The following ATRX variants were observed in gnomAD, a reference collection of about 807,000 sequenced individuals.
ATRX encodes the protein ATRX chromatin remodeler, also known as chromatin remodeler ATRX.
Under a neutral mutation model 172.6 loss-of-function variants are expected in ATRX, and 12 were observed. The observed-to-expected ratio is 0.07, with a 90% CI of 0.04 to 0.11. The LOEUF is 0.11. ATRX is among the 10% of genes least tolerant of loss of function. ATRX has a pLI of 1.00. For synonymous variants in ATRX, 674 were observed against 594.7 expected, an observed-to-expected ratio of 1.13 and a Z score of -1.94; for missense variants, 1,368 against 1,767.4, an observed-to-expected ratio of 0.77 and a Z score of 4.05.
At chrX:77,576,320 T>C (rs1471902681) in intron 27 of ATRX, among the ~76,000 whole-genome samples, 2 of 110,588 alleles carry the variant, frequency 1.8e-5, no homozygotes, top group African/African-American at 6.6e-5. Context: ...TGCCAGAACA[T>C]AGAATCTAAT....
At chrX:77,606,075 A>G in intron 22 of ATRX, among the ~76,000 whole-genome samples, 1 of 110,729 alleles carries the variant, frequency 9.0e-6, no homozygotes, top group Non-Finnish European at 1.9e-5. Flanking sequence ...GAACAGACCA[A>G]TAACAAGTAA....
At chrX:77,606,835 G>A (rs1412383950) in intron 22 of ATRX, among the ~76,000 whole-genome samples, 1 of 108,938 alleles carries the variant, frequency 9.2e-6, no homozygotes, top group Non-Finnish European at 1.9e-5. Context: ...CACATATATG[G>A]AAATCAATCA....
chrX:77,599,604 C>CA (rs781891474), intron 24 of ATRX, 24 bp from the exon 25 acceptor site: 2 of 1,199,216 alleles, frequency 1.7e-6, no homozygotes, highest in African/African-American at 1.8e-5. Flanking sequence ...AACAAACAAA[C>CA]AAAAAAACAC....
At position 77,682,240 on chromosome X, in the gene ATRX, C is replaced by T. The variant is rs1557138364; in HGVS notation, c.3016G>A (p.Glu1006Lys). The T allele has an allele frequency of 8.3e-7, 1 of 1,207,093 alleles. No individual in the cohort carries two copies. Among genetic ancestry groups the T allele is most frequent in the Non-Finnish European group, 1.1e-6 (1 of 893,858 alleles). The change falls in exon 9 of 35, where the codon GAA becomes AAA. Residue 1006 changes from glutamate (E) to lysine (K), a missense_variant. Glu to Lys is a moderately conservative substitution (Grantham distance 56). Around this residue, in one of 17 missense-constraint regions of ATRX, gnomAD observed 843 missense variants for 643.1 expected, o/e 1.31. Coordinates refer to ENST00000373344, the MANE Select transcript of ATRX (RefSeq NM_000489.6). ...SDFKKKVIKM[E>K]QQYESSSDGT... ...TCAGATGAAGATTCATACTGTTGTT[C>T]CATTTTAATTACTTTTTTCTTAAAG...
intron 22 of ATRX, among the ~76,000 whole-genome samples, chrX:77,614,586 A>T (rs1241487755): frequency 5.4e-5 from 6 of 112,019 alleles, no homozygotes; most frequent in East Asian, 5.6e-4. Flanking sequence ...TAAAATTTTT[A>T]AAAATTGATA....
chrX:77,652,575 G>A lies in ATRX; in HGVS notation c.4318-222C>T, dbSNP rs1436513210. On this transcript the variant is annotated intron_variant, in intron 14 of 34. Transcript: ENST00000373344. ...CCAGCACTTTGGGAGGCCGAGGCGG[G>A]TGGATCACAAGGTCAGGAGATAGAG... 2.8e-5 allele frequency among the ~76,000 whole-genome samples: 3 copies of A among 107,577 alleles called. No individual in the cohort carries two copies. In the Admixed American group the frequency reaches 3.0e-4, roughly 11 times the overall value. The allele number at this position is 107,577 out of a possible 115,157, so 93.4% of individuals were successfully genotyped here.
chrX:77,590,333 G>A (rs1190651741), intron 26 of ATRX, among the ~76,000 whole-genome samples: 2 of 110,989 alleles, frequency 1.8e-5, no homozygotes, highest in African/African-American at 6.6e-5. Flanking sequence ...CTTGGTAGCC[G>A]GGCGCAGTGG....
chrX:77,545,541 A>G (rs1452473790), intron 30 of ATRX, among the ~76,000 whole-genome samples: 3 of 111,978 alleles, frequency 2.7e-5, no homozygotes, highest in Non-Finnish European at 5.6e-5. Flanking sequence ...TGAAAAAATA[A>G]CTCAGTATAA....
chrX:77,537,390 T>C (rs1231064019), intron 30 of ATRX, among the ~76,000 whole-genome samples: 3 of 112,017 alleles, frequency 2.7e-5, no homozygotes, highest in Admixed American at 1.9e-4. Context: ...CAGTAACATG[T>C]GACAGAATTT....
chrX:77,625,745 T>C (rs1010000550), intron 19 of ATRX, among the ~76,000 whole-genome samples: 4 of 109,678 alleles, frequency 3.6e-5, no homozygotes, highest in South Asian at 3.9e-4. Context: ...ACAGTAGATG[T>C]TGGTGTGAAT....
intron 26 of ATRX, among the ~76,000 whole-genome samples, chrX:77,593,228 T>TG (rs1359473636): frequency 3.0e-5 from 2 of 66,099 alleles, no homozygotes; most frequent in African/African-American, 1.2e-4. Context: ...TGTCTCATAA[T>TG]GAAAAAAAAA....
chrX:77,747,992 A>T (rs1454477522), intron 1 of ATRX, among the ~76,000 whole-genome samples: 3 of 111,408 alleles, frequency 2.7e-5, no homozygotes, highest in African/African-American at 9.8e-5. Context: ...TTTGATAAAG[A>T]AGGGGAGAAG....
At chrX:77,512,784 GCTCAAA>G (rs2062914266) in intron 34 of ATRX, among the ~76,000 whole-genome samples, 1 of 110,780 alleles carries the variant, frequency 9.0e-6, no homozygotes, top group Admixed American at 9.6e-5. Context: ...CAGGAGAATC[GCTCAAA>G]CCCGGGAAGG....
At chrX:77,712,502 C>T (rs1328057579) in intron 2 of ATRX, among the ~76,000 whole-genome samples, 1 of 112,145 alleles carries the variant, frequency 8.9e-6, no homozygotes, top group African/African-American at 3.2e-5. Context: ...ACTGTGGGTA[C>T]AATGAGGACT....
chrX:77,708,311 A>T (rs2072939334), intron 2 of ATRX, among the ~76,000 whole-genome samples: 1 of 112,558 alleles, frequency 8.9e-6, no homozygotes, highest in Non-Finnish European at 1.9e-5. Context: ...ACGCTAAATG[A>T]AAGAAATCAG....
rs186432229 is a variant in ATRX, at chrX:77,545,766, A to T, written c.6699+11685T>A. 1.1e-4 allele frequency among the ~76,000 whole-genome samples: 12 copies of T among 112,154 alleles called. No homozygotes were observed. In the Admixed American group the frequency reaches 1.1e-3, roughly 11 times the overall value. ...TGATATTTTTGAAGAACTAATGGAC[A>T]TACATTTCTCAGAAGTATAATGAAA... On this transcript the variant is annotated intron_variant, in intron 30 of 34. Coordinates refer to ENST00000373344, the MANE Select transcript of ATRX (RefSeq NM_000489.6).
chrX:77,672,515 C>T (rs1208451285), intron 10 of ATRX, among the ~76,000 whole-genome samples: 2 of 108,847 alleles, frequency 1.8e-5, no homozygotes, highest in Non-Finnish European at 3.8e-5. Context: ...CCACACCAAG[C>T]CAGTAGGAAA....
At chrX:77,732,430 C>T (rs947742391) in intron 1 of ATRX, among the ~76,000 whole-genome samples, 1 of 112,058 alleles carries the variant, frequency 8.9e-6, no homozygotes, top group Admixed American at 9.5e-5. Context: ...CTTCCAAACA[C>T]ATTCTGTGAG....
At position 77,636,769 on chromosome X, in the gene ATRX, AAAAAAAG is replaced by A. The variant is rs1478563918; in HGVS notation, c.4558-720_4558-714del. Among the ~76,000 whole-genome samples, 11 of 108,835 alleles carry A rather than the reference AAAAAAAG, an allele frequency of 1.0e-4. No individual in the cohort carries two copies. The Admixed American group carries it at 1.1e-3, about 11-fold the overall frequency. The allele number at this position is 108,835 out of a possible 115,157, so 94.5% of individuals were successfully genotyped here. On this transcript the variant is annotated intron_variant, in intron 15 of 34. Transcript: ENST00000373344. ...TGTTGTTGGTTGCTATGCCAAAAAA[AAAAAAAG>A]AAGAAAGAAGGAAGAAGAAGGAGAA...
Sources: allele counts gnomAD v4.1 joint callset (sites outside exome capture counted in the v4.1 genomes callset), GRCh38; gene constraint gnomAD v4.1.1; regional missense constraint gnomAD v4.1.1; transcripts MANE v1.5; gene names NCBI Gene and HGNC (gene_info 2026-07-23, HGNC 2026-07-21).